The following DCDC1 variants were observed in gnomAD, a reference collection of about 807,000 sequenced individuals.
The protein encoded by DCDC1 is doublecortin domain-containing protein 1.
Under a neutral mutation model 178.3 loss-of-function variants are expected in DCDC1, and 200 were observed. The ratio of observed to expected loss-of-function variants is 1.12; its 90% CI spans 1.00 to 1.26. The LOEUF (loss-of-function observed/expected upper bound fraction) is 1.26, where lower values mean the gene tolerates loss of function less well. Among genes scored for constraint, DCDC1 ranks in the 50% most tolerant of loss-of-function variants. The pLI is 0.00. For synonymous variants in DCDC1, 690 were observed against 604.8 expected, an observed-to-expected ratio of 1.14 and a Z score of -2.07; for missense variants, 1,983 against 1,749.2, an observed-to-expected ratio of 1.13 and a Z score of -2.38.
At chr11:30,923,192 G>A (rs957516294) in intron 23 of DCDC1, among the ~76,000 whole-genome samples, 3 of 152,124 alleles carry the variant, frequency 2.0e-5, no homozygotes, top group Admixed American at 1.3e-4. Flanking sequence ...TCATTTACAC[G>A]TTGTCTATGG....
At chr11:31,070,915 A>G (rs907269260) in intron 18 of DCDC1, among the ~76,000 whole-genome samples, 1 of 152,188 alleles carries the variant, frequency 6.6e-6, no homozygotes, top group Non-Finnish European at 1.5e-5. Context: ...TGGAATTTTA[A>G]ACTCCAGATA....
intron 20 of DCDC1, among the ~76,000 whole-genome samples, chr11:31,005,050 T>C (rs553485309): frequency 6.6e-5 from 10 of 152,336 alleles, no homozygotes; most frequent in African/African-American, 1.9e-4. Flanking sequence ...TGATATTTTA[T>C]ATCTCTCTAA....
intron 34 of DCDC1, among the ~76,000 whole-genome samples, chr11:30,896,971 A>G (rs1590268622): frequency 1.3e-5 from 2 of 152,232 alleles, no homozygotes; most frequent in Admixed American, 6.5e-5. Flanking sequence ...TGATTTAGCA[A>G]CTATTCATAC....
At chr11:31,177,301 A>C (rs985798859) in intron 9 of DCDC1, among the ~76,000 whole-genome samples, 3 of 152,126 alleles carry the variant, frequency 2.0e-5, no homozygotes, top group African/African-American at 7.2e-5. Context: ...CAAATGGACA[A>C]ATAAGAAAGT....
intron 26 of DCDC1, 36 bp from the exon 27 acceptor site, chr11:30,915,747 T>G: frequency 3.2e-6 from 5 of 1,580,866 alleles, no homozygotes; most frequent in Non-Finnish European, 4.3e-6. Context: ...GGCAGAAAAA[T>G]GTCCCATGCA....
intron 9 of DCDC1, among the ~76,000 whole-genome samples, chr11:31,197,316 T>C (rs1454462978): frequency 6.6e-6 from 1 of 152,108 alleles, no homozygotes; most frequent in African/African-American, 2.4e-5. Flanking sequence ...AAAGTGTTCA[T>C]TATTTCTTTG....
Position 31,162,541 on chromosome 11 carries a change from C to T in DCDC1, c.1222-24757G>A, listed in dbSNP as rs115142269. On this transcript the variant is annotated intron_variant, in intron 9 of 38. Coordinates refer to ENST00000684477, the MANE Select transcript of DCDC1 (RefSeq NM_001387274.1). ...TTCAAAATTGTATTATGTTTTCAAT[C>T]GTTCTAGGTCTAATATATCTCAAAT... Among the ~76,000 whole-genome samples the T allele has an allele frequency of 8.9e-3, 1,353 of 152,126 alleles. 25 individuals are homozygous for T. Among genetic ancestry groups the T allele is most frequent in the African/African-American group, 0.031 (1,299 of 41,510 alleles).
intron 20 of DCDC1, among the ~76,000 whole-genome samples, chr11:30,964,077 ATG>A (rs890697013): frequency 1.8e-4 from 28 of 152,134 alleles, no homozygotes; most frequent in African/African-American, 6.5e-4. Flanking sequence ...CACTAAAAAT[ATG>A]TTTTTTTAAA....
intron 8 of DCDC1, among the ~76,000 whole-genome samples, chr11:31,245,027 C>T (rs1977656837): frequency 6.6e-6 from 1 of 151,544 alleles, no homozygotes. Context: ...ATACCTTTCT[C>T]ACTCACGCTG....
In DCDC1 at chr11:31,268,145, T is replaced by C. The variant is rs904362023; in HGVS notation, c.961-2545A>G. ...CAATTTCTTAATATTATGAAGTTAT[T>C]ACTGTATTTAAAAGTATAATGATGT... On this transcript the variant is annotated intron_variant, in intron 7 of 38. Coordinates refer to ENST00000684477, the MANE Select transcript of DCDC1 (RefSeq NM_001387274.1). Among the ~76,000 whole-genome samples the C allele has an allele frequency of 2.6e-5, 4 of 152,226 alleles. No homozygotes were observed. The South Asian group carries it at 8.3e-4, about 31-fold the overall frequency.
At chr11:30,932,424 G>A (rs1029660180) in intron 21 of DCDC1, among the ~76,000 whole-genome samples, 4 of 152,198 alleles carry the variant, frequency 2.6e-5, no homozygotes, top group East Asian at 1.9e-4. Flanking sequence ...TCACGTTTCA[G>A]TTGTAGAATT....
intron 9 of DCDC1, among the ~76,000 whole-genome samples, chr11:31,192,236 C>G (rs1970212398): frequency 6.6e-6 from 1 of 152,076 alleles, no homozygotes; most frequent in Non-Finnish European, 1.5e-5. Flanking sequence ...CCCACACTGA[C>G]TTATCCACTC....
At chr11:30,911,611 C>T (rs543946725) in intron 27 of DCDC1, among the ~76,000 whole-genome samples, 191 bp from the exon 28 acceptor site, 1 of 152,352 alleles carries the variant, frequency 6.6e-6, no homozygotes, top group South Asian at 2.1e-4. Context: ...TGGAAGAAGA[C>T]TGCAGGATGA....
At chr11:30,895,170 T>C (rs1416529979) in intron 34 of DCDC1, among the ~76,000 whole-genome samples, 1 of 152,234 alleles carries the variant, frequency 6.6e-6, no homozygotes, top group Non-Finnish European at 1.5e-5. Context: ...CTCTTGTATC[T>C]TCTTTCCAAA....
intron 15 of DCDC1, 115 bp from the exon 16 acceptor site, chr11:31,094,299 T>A (rs765067377): frequency 3.1e-6 from 2 of 639,206 alleles, no homozygotes; most frequent in Non-Finnish European, 5.6e-6. Flanking sequence ...TTGATACCTC[T>A]TTTCAAAAAG....
intron 28 of DCDC1, among the ~76,000 whole-genome samples, chr11:30,910,517 T>C (rs1047566840): frequency 1.3e-5 from 2 of 152,216 alleles, no homozygotes; most frequent in Non-Finnish European, 2.9e-5. Flanking sequence ...AGTTGCTTCA[T>C]TGCTATTAAA....
intron 9 of DCDC1, among the ~76,000 whole-genome samples, chr11:31,219,437 G>A (rs1202046787): frequency 1.3e-5 from 2 of 152,082 alleles, no homozygotes; most frequent in East Asian, 1.9e-4. Flanking sequence ...ATATAAACAT[G>A]AGCAGAGGCG....
chr11:31,066,091 G>C (rs540186685), intron 18 of DCDC1, among the ~76,000 whole-genome samples: 11 of 152,274 alleles, frequency 7.2e-5, no homozygotes, highest in African/African-American at 2.6e-4. Flanking sequence ...TTTCAGTTAT[G>C]TTAATCCGGC....
At chr11:31,303,491 T>C (rs1202184899) in intron 6 of DCDC1, among the ~76,000 whole-genome samples, 1 of 152,090 alleles carries the variant, frequency 6.6e-6, no homozygotes, top group Non-Finnish European at 1.5e-5. Context: ...AGTTGGAAAA[T>C]TATCGATTTA....
Sources: allele counts gnomAD v4.1 joint callset (sites outside exome capture counted in the v4.1 genomes callset), GRCh38; gene constraint gnomAD v4.1.1; transcripts MANE v1.5; gene names NCBI Gene and HGNC (gene_info 2026-07-23, HGNC 2026-07-21).